The following TMEM74 variants were observed in gnomAD, a reference collection of about 807,000 sequenced individuals.
The protein encoded by TMEM74 is transmembrane protein 74.
TMEM74 carries 13 observed loss-of-function variants against 18.1 expected under a neutral mutation model. The observed-to-expected ratio is 0.72, with a 90% CI of 0.47 to 1.14. The LOEUF is 1.14. Among genes scored for constraint, TMEM74 ranks in the 50% most tolerant of loss-of-function variants. The pLI, the probability that TMEM74 is intolerant of heterozygous loss-of-function variation, is 0.00. For synonymous variants in TMEM74, 159 were observed against 146.6 expected, an observed-to-expected ratio of 1.08 and a Z score of -0.61; for missense variants, 372 against 375.9, an observed-to-expected ratio of 0.99 and a Z score of 0.09.
chr8:108,760,059 G>C (rs1261371054), intron 1 of TMEM74, among the ~76,000 whole-genome samples: 1 of 151,888 alleles, frequency 6.6e-6, no homozygotes, highest in South Asian at 2.1e-4. Flanking sequence ...TGTAGTTGTA[G>C]CTACTCAGGA....
At chr8:108,672,032 G>C (rs1332172970) in intron 1 of TMEM74, among the ~76,000 whole-genome samples, 2 of 152,112 alleles carry the variant, frequency 1.3e-5, no homozygotes, top group Non-Finnish European at 2.9e-5. Context: ...ATTTGTACTA[G>C]AGAATTTAAT....
intron 2 of TMEM74, among the ~76,000 whole-genome samples, chr8:108,614,102 C>A (rs1484370833): frequency 7.0e-6 from 1 of 143,468 alleles, no homozygotes; most frequent in African/African-American, 2.6e-5. Flanking sequence ...TTTAATAAGA[C>A]AATTTTTAAT....
intron 3 of TMEM74, chr8:108,608,689 T>G (rs1403394162): frequency 6.6e-6 from 1 of 152,230 alleles, no homozygotes; most frequent in Non-Finnish European, 1.5e-5. Flanking sequence ...CATTGCGTTT[T>G]GTGTCAGTCT....
intron 1 of TMEM74, among the ~76,000 whole-genome samples, chr8:108,658,395 A>G (rs1812867260): frequency 6.6e-6 from 1 of 152,038 alleles, no homozygotes; most frequent in Admixed American, 6.6e-5. Context: ...TTACCTCTAG[A>G]TCTGGGAGTG....
At chr8:108,635,723 C>T (rs3019391) in intron 2 of TMEM74, among the ~76,000 whole-genome samples, 33,336 of 151,904 alleles carry the variant, frequency 0.22, 3,682 homozygotes, top group East Asian at 0.27. Flanking sequence ...ATGAAGATTT[C>T]TCTGACTATT....
At chr8:108,647,464 G>A (rs1812731344) in intron 2 of TMEM74, among the ~76,000 whole-genome samples, 1 of 151,976 alleles carries the variant, frequency 6.6e-6, no homozygotes, top group Non-Finnish European at 1.5e-5. Flanking sequence ...CTAATGTTTA[G>A]TACTAGAAAT....
chr8:108,770,037 T>C (rs1378395636), intron 1 of TMEM74, among the ~76,000 whole-genome samples: 1 of 152,132 alleles, frequency 6.6e-6, no homozygotes, highest in Admixed American at 6.6e-5. Context: ...TTTTTATTGC[T>C]GTTTCCTAGG....
At chr8:108,715,379 C>G (rs1813513320) in intron 1 of TMEM74, among the ~76,000 whole-genome samples, 1 of 151,864 alleles carries the variant, frequency 6.6e-6, no homozygotes, top group Non-Finnish European at 1.5e-5. Flanking sequence ...ACGATATACT[C>G]AGGTAACAAA....
intron 2 of TMEM74, among the ~76,000 whole-genome samples, chr8:108,609,120 G>C (rs1320956713): frequency 6.6e-6 from 1 of 152,172 alleles, no homozygotes; most frequent in Non-Finnish European, 1.5e-5. Context: ...TTGATCATTG[G>C]AGACAAAGAG....
intron 1 of TMEM74, among the ~76,000 whole-genome samples, chr8:108,765,096 T>C (rs1410260500): frequency 1.3e-5 from 2 of 152,306 alleles, no homozygotes; most frequent in African/African-American, 4.8e-5. Context: ...TGTGCTTGAT[T>C]AACTTGTGGT....
At chr8:108,763,429 G>A (rs761796652) in intron 1 of TMEM74, among the ~76,000 whole-genome samples, 3 of 151,938 alleles carry the variant, frequency 2.0e-5, no homozygotes, top group African/African-American at 4.8e-5. Flanking sequence ...CATAGTACTC[G>A]TATGTTTAAA....
intron 2 of TMEM74, among the ~76,000 whole-genome samples, chr8:108,638,249 C>A (rs1006855778): frequency 1.3e-5 from 2 of 152,062 alleles, no homozygotes; most frequent in Non-Finnish European, 2.9e-5. Context: ...GCTTTTGTAA[C>A]CCTGCGAAGA....
chr8:108,703,712 AGAAACTGTACT>A, intron 1 of TMEM74, among the ~76,000 whole-genome samples: 1 of 152,326 alleles, frequency 6.6e-6, no homozygotes, highest in Middle Eastern at 3.4e-3. Context: ...ACTACATGCC[AGAAACTGTACT>A]CAGCATCTGC....
intron 1 of TMEM74, among the ~76,000 whole-genome samples, chr8:108,724,962 C>T (rs1350866495): frequency 2.0e-5 from 3 of 152,228 alleles, no homozygotes; most frequent in African/African-American, 4.8e-5. Flanking sequence ...TCTTCAGCCT[C>T]TAGGCCCTGC....
chr8:108,687,709 G>C (rs750450218), intron 1 of TMEM74, among the ~76,000 whole-genome samples: 3 of 151,980 alleles, frequency 2.0e-5, no homozygotes, highest in Non-Finnish European at 4.4e-5. Flanking sequence ...TAGATCCCTC[G>C]CATGTGCTGT....
At chr8:108,747,505 GC>G (rs1383533215) in intron 1 of TMEM74, among the ~76,000 whole-genome samples, 4 of 151,952 alleles carry the variant, frequency 2.6e-5, no homozygotes, top group Admixed American at 6.6e-5. Flanking sequence ...CAGCCTACTT[GC>G]TCTATGATCT....
intron 1 of TMEM74, among the ~76,000 whole-genome samples, chr8:108,716,875 G>C (rs1813528194): frequency 6.6e-6 from 1 of 150,786 alleles, no homozygotes; most frequent in African/African-American, 2.4e-5. Context: ...TATATAAACA[G>C]AGAGAGGGAA....
chr8:108,622,667 A>C (rs1358085325), intron 2 of TMEM74, among the ~76,000 whole-genome samples: 1 of 152,078 alleles, frequency 6.6e-6, no homozygotes, highest in African/African-American at 2.4e-5. Flanking sequence ...AATTCTGTGA[A>C]GTTATCTTAG....
intron 1 of TMEM74, among the ~76,000 whole-genome samples, chr8:108,688,240 A>G (rs781015117): frequency 5.3e-5 from 8 of 152,244 alleles, no homozygotes; most frequent in Non-Finnish European, 1.0e-4. Flanking sequence ...ATTTGACATT[A>G]TCTTTCAAAC....
Sources: allele counts gnomAD v4.1 joint callset (sites outside exome capture counted in the v4.1 genomes callset), GRCh38; gene constraint gnomAD v4.1.1; transcripts MANE v1.5; gene names NCBI Gene and HGNC (gene_info 2026-07-23, HGNC 2026-07-21).